MEGF6: variants seen among roughly 807,000 people sequenced by gnomAD.
The protein encoded by MEGF6 is multiple epidermal growth factor-like domains protein 6.
In MEGF6, 184 loss-of-function variants were observed where a neutral mutation model predicts 207.1. That is an observed-to-expected ratio of 0.89 (90% confidence interval 0.79 to 1.00). MEGF6 has a LOEUF of 1.00. MEGF6 is among the 50% of genes least tolerant of loss of function. The probability of loss-of-function intolerance (pLI) is 0.00; values close to 1 mark genes in which losing one functional copy is unlikely to be tolerated. For missense variants in MEGF6, 2,282 were observed against 2,202.9 expected (o/e 1.04, Z -0.72); for synonymous variants, 1,038 against 910.0 (o/e 1.14, Z -2.53).
At chr1:3,577,423 A>G (rs955502679) in intron 4 of MEGF6, among the ~76,000 whole-genome samples, 6 of 152,256 alleles carry the variant, frequency 3.9e-5, no homozygotes, top group African/African-American at 1.4e-4. Context: ...CTCCTCAGAC[A>G]GACCTGGCTT....
intron 3 of MEGF6, 149 bp downstream of exon 3, chr1:3,595,189 G>T (rs1644040287): frequency 1.7e-6 from 1 of 591,832 alleles, no homozygotes; most frequent in Non-Finnish European, 3.0e-6. Context: ...GCAGCCTTTG[G>T]CAAACGGCGT....
intron 5 of MEGF6, among the ~76,000 whole-genome samples, chr1:3,517,973 C>A (rs886432027): frequency 1.7e-4 from 26 of 152,386 alleles, no homozygotes; most frequent in Admixed American, 1.2e-3. Context: ...GCACCGCGTG[C>A]TTCCGCAATC....
At chr1:3,490,857 C>T (rs2100802219) in intron 36 of MEGF6, 55 bp downstream of exon 36, 1 of 1,547,324 alleles carries the variant, frequency 6.5e-7, no homozygotes, top group East Asian at 2.4e-5. Flanking sequence ...TCTTCGTTGA[C>T]TTTGCCATAA....
At chr1:3,494,929 C>T (rs565371071) in intron 30 of MEGF6, among the ~76,000 whole-genome samples, 188 bp from the exon 31 acceptor site, 15 of 152,248 alleles carry the variant, frequency 9.9e-5, no homozygotes, top group Non-Finnish European at 1.5e-4. Context: ...CCTTGGTCAT[C>T]TCAGGCTGCC....
At chr1:3,601,810 G>A (rs943993354) in intron 2 of MEGF6, among the ~76,000 whole-genome samples, 10 of 152,256 alleles carry the variant, frequency 6.6e-5, no homozygotes, top group African/African-American at 1.7e-4. Flanking sequence ...GGTGTCCCGC[G>A]TGGACCCCAT....
intron 1 of MEGF6, among the ~76,000 whole-genome samples, chr1:3,607,793 C>T (rs1350166719): frequency 2.6e-5 from 4 of 152,228 alleles, no homozygotes; most frequent in Non-Finnish European, 4.4e-5. Flanking sequence ...CAGTCGGAGG[C>T]GGAATGCTCC....
At position 3,501,051 on chromosome 1, in the gene MEGF6, G is replaced by A; in HGVS notation, c.2490C>T (p.Cys830=). The stretch of plus-strand genomic sequence containing the variant: ...GGCAGTGCCCATCATTGGCACAAGA[G>A]CACCTTGTCTGGCAGCTGGGACCAT... ...GWYGPSCQTR[C]SCANDGHCHP... The change falls in exon 20 of 37, where the codon TGC becomes TGT. Residue 830 remains cysteine (C), a synonymous_variant. Transcript: ENST00000356575. 1.2e-6 allele frequency: 2 copies of A among 1,612,784 alleles called. No individual in the cohort carries two copies. The highest frequency in any genetic ancestry group is 1.7e-6 in the Non-Finnish European group (2 of 1,179,954).
chr1:3,511,837 T>TCCCAGACCCAACAAGGC, intron 8 of MEGF6, 150 bp from the exon 9 acceptor site: 2 of 1,433,664 alleles, frequency 1.4e-6, no homozygotes, highest in Non-Finnish European at 1.9e-6. Flanking sequence ...CCTTGTTGGG[T>TCCCAGACCCAACAAGGC]CTGGGACCCC....
intron 7 of MEGF6, among the ~76,000 whole-genome samples, chr1:3,512,556 G>T (rs933223979): frequency 9.9e-5 from 15 of 152,180 alleles, no homozygotes; most frequent in African/African-American, 3.4e-4. Flanking sequence ...TTGAATCATG[G>T]GGGTGGGTCT....
In MEGF6 at chr1:3,589,164, G is replaced by A. The variant is rs144710287; in HGVS notation, c.376+6174C>T. Among the ~76,000 whole-genome samples the A allele has an allele frequency of 3.7e-3, 563 of 152,258 alleles. 1 individual carries two copies. The highest frequency in any genetic ancestry group is 0.013 in the African/African-American group (532 of 41,536). ...TAGAGACGGAGGCAGAGTGGGGAACGAGGCGTCTACAACCACGGAACGCCG... is the reference window on the plus strand; with the variant it reads ...TAGAGACGGAGGCAGAGTGGGGAACAAGGCGTCTACAACCACGGAACGCCG... On this transcript the variant is annotated intron_variant, in intron 3 of 36. Transcript: ENST00000356575.
At chr1:3,541,978 G>A (rs923637006) in intron 4 of MEGF6, among the ~76,000 whole-genome samples, 8 of 152,268 alleles carry the variant, frequency 5.3e-5, no homozygotes, top group East Asian at 1.9e-4. Context: ...GGAAGCCCCC[G>A]CGGCCAAGTA....
At chr1:3,534,927 C>G (rs1008108799) in intron 4 of MEGF6, among the ~76,000 whole-genome samples, 1 of 152,180 alleles carries the variant, frequency 6.6e-6, no homozygotes, top group African/African-American at 2.4e-5. Flanking sequence ...TTCATCTGGA[C>G]TCCAAATCCC....
intron 4 of MEGF6, among the ~76,000 whole-genome samples, chr1:3,541,225 G>A (rs531165252): frequency 1.3e-4 from 20 of 152,340 alleles, no homozygotes; most frequent in African/African-American, 2.9e-4. Flanking sequence ...AGCACTGAGC[G>A]TCACAGAGCG....
In MEGF6 at chr1:3,573,075, GTT is replaced by G; in HGVS notation, c.481+6748_481+6749del. On this transcript the variant is annotated intron_variant, in intron 4 of 36. Coordinates refer to ENST00000356575, the MANE Select transcript of MEGF6 (RefSeq NM_001409.4). The surrounding 1 kb of genome is among the most constrained non-coding windows in gnomAD (Gnocchi z 5.1). The stretch of plus-strand genomic sequence containing the variant: ...TGCTGGGTCCTCCCTGGTGGGCTGG[GTT>G]CCCTCAGGTGTGCTGGGTCCTTCCT... Among the ~76,000 whole-genome samples, 2 of 145,676 alleles carry G rather than the reference GTT, an allele frequency of 1.4e-5. No homozygotes were observed. Among genetic ancestry groups the G allele is most frequent in the African/African-American group, 5.2e-5 (2 of 38,600 alleles).
At chr1:3,541,796 A>G (rs962996495) in intron 4 of MEGF6, among the ~76,000 whole-genome samples, 5 of 152,038 alleles carry the variant, frequency 3.3e-5, no homozygotes, top group Admixed American at 3.3e-4. Context: ...GCAGAGCGAC[A>G]GACTCCCGGG....
intron 4 of MEGF6, chr1:3,547,256 G>T (rs2101563677): frequency 6.6e-6 from 1 of 152,406 alleles, no homozygotes; most frequent in Non-Finnish European, 1.5e-5. Flanking sequence ...ACCAGAACAG[G>T]CCCCGCAGGA....
intron 3 of MEGF6, among the ~76,000 whole-genome samples, chr1:3,581,374 C>T (rs1008571114): frequency 6.6e-6 from 1 of 152,200 alleles, no homozygotes; most frequent in Non-Finnish European, 1.5e-5. Context: ...CAGCCTCTTC[C>T]CTCCAGCCAA....
intron 2 of MEGF6, among the ~76,000 whole-genome samples, chr1:3,601,043 G>A (rs1430868419): frequency 6.6e-6 from 1 of 152,194 alleles, no homozygotes; most frequent in Non-Finnish European, 1.5e-5. Context: ...CCCCCTCCAA[G>A]CAGGGGGACT....
chr1:3,513,641 A>G (rs1008487329), intron 7 of MEGF6, among the ~76,000 whole-genome samples: 1 of 116,384 alleles, frequency 8.6e-6, no homozygotes, highest in African/African-American at 3.4e-5. Flanking sequence ...CCCAGGCTGG[A>G]GTGCAGTGGT....
Sources: allele counts gnomAD v4.1 joint callset (sites outside exome capture counted in the v4.1 genomes callset), GRCh38; gene constraint gnomAD v4.1.1; non-coding constraint Gnocchi (gnomAD v3.1); transcripts MANE v1.5; gene names NCBI Gene and HGNC (gene_info 2026-07-23, HGNC 2026-07-21).